HHAT: variants seen among roughly 807,000 people sequenced by gnomAD.
HHAT encodes hedgehog acyltransferase, also known as protein-cysteine N-palmitoyltransferase HHAT.
Under a neutral mutation model 70.8 loss-of-function variants are expected in HHAT, and 47 were observed. That is an observed-to-expected ratio of 0.66 (90% CI 0.53 to 0.85). HHAT has a LOEUF of 0.85. HHAT is among the 40% of genes least tolerant of loss of function. The probability of loss-of-function intolerance (pLI) is 0.00; values close to 1 mark genes in which losing one functional copy is unlikely to be tolerated. For missense variants in HHAT, 609 were observed against 604.8 expected, an observed-to-expected ratio of 1.01 and a Z score of -0.07; for synonymous variants, 228 against 247.6, an observed-to-expected ratio of 0.92 and a Z score of 0.74.
chr1:210,430,171 A>G (rs1350767134), intron 7 of HHAT, among the ~76,000 whole-genome samples: 2 of 151,854 alleles, frequency 1.3e-5, no homozygotes, highest in Non-Finnish European at 2.9e-5. Flanking sequence ...AAATTTGGTC[A>G]AGCTAGCTTC....
At chr1:210,416,743 T>G (rs930182089) in intron 6 of HHAT, among the ~76,000 whole-genome samples, 1 of 152,234 alleles carries the variant, frequency 6.6e-6, no homozygotes, top group Non-Finnish European at 1.5e-5. Flanking sequence ...TGTCTCCTAA[T>G]GCTGCCCTGT....
intron 5 of HHAT, 141 bp downstream of exon 5, chr1:210,400,803 C>G (rs1317512907): frequency 1.4e-6 from 1 of 739,700 alleles, no homozygotes; most frequent in African/African-American, 1.8e-5. Context: ...TACAGGGTTG[C>G]TACAAGTGAA....
intron 11 of HHAT, among the ~76,000 whole-genome samples, chr1:210,670,059 G>A (rs1323648686): frequency 1.3e-5 from 2 of 152,170 alleles, no homozygotes; most frequent in Non-Finnish European, 2.9e-5. Flanking sequence ...TGTCAGGGCA[G>A]AACCCTTTTT....
chr1:210,506,466 G>A lies in HHAT; in HGVS notation c.1008-6687G>A, dbSNP rs116494490. Among the ~76,000 whole-genome samples, 505 of 152,260 alleles carry A rather than the reference G, an allele frequency of 3.3e-3. 3 individuals are homozygous for A. The highest frequency in any genetic ancestry group is 4.5e-3 in the Non-Finnish European group (309 of 68,022). ...AGTTGATGTGCAGACAGCAAAACTT[G>A]CATATCATACACACAAGATTTTCTG... On this transcript the variant is annotated intron_variant, in intron 8 of 11. Transcript: ENST00000261458.
intron 9 of HHAT, among the ~76,000 whole-genome samples, chr1:210,565,998 C>T (rs1170099288): frequency 6.6e-6 from 1 of 152,100 alleles, no homozygotes; most frequent in Non-Finnish European, 1.5e-5. Flanking sequence ...GGCCTCTGGA[C>T]CTCGTGCTGT....
chr1:210,450,599 T>C (rs2093732808), intron 7 of HHAT, among the ~76,000 whole-genome samples: 1 of 142,294 alleles, frequency 7.0e-6, no homozygotes, highest in African/African-American at 2.6e-5. Context: ...AATTGGTACA[T>C]TGTAAATCTT....
chr1:210,421,736 T>C (rs1197122865), intron 7 of HHAT, among the ~76,000 whole-genome samples: 3 of 152,222 alleles, frequency 2.0e-5, no homozygotes, highest in African/African-American at 7.2e-5. Flanking sequence ...TGAGCCACTG[T>C]GCCTGGCCTG....
intron 4 of HHAT, among the ~76,000 whole-genome samples, chr1:210,397,022 C>T (rs184907683): frequency 6.6e-6 from 1 of 152,296 alleles, no homozygotes; most frequent in African/African-American, 2.4e-5. Flanking sequence ...ACTAAACACA[C>T]ACATAAATTA....
chr1:210,504,043 C>G (rs759456086), intron 8 of HHAT, among the ~76,000 whole-genome samples: 1 of 152,178 alleles, frequency 6.6e-6, no homozygotes, highest in Non-Finnish European at 1.5e-5. Context: ...AAATTCAAAA[C>G]TTTTGTGCTT....
chr1:210,387,498 A>T lies in HHAT; in HGVS notation c.190A>T (p.Met64Leu). 1.9e-6 allele frequency: 3 copies of T among 1,614,046 alleles called. No individual in the cohort carries two copies. Among genetic ancestry groups the T allele is most frequent in the South Asian group, 1.1e-5 (1 of 91,068 alleles). ...GACCGACTTTGAGTGGAGCTTCTGGATGGAATGGGGGAAGCAGTGGCTGGT... is the reference window on the plus strand; with the variant it reads ...GACCGACTTTGAGTGGAGCTTCTGGTTGGAATGGGGGAAGCAGTGGCTGGT... ...DATDFEWSFW[M>L]EWGKQWLVWL... The change falls in exon 4 of 12, where the codon ATG becomes TTG. Residue 64 changes from methionine to leucine, a missense_variant. Coordinates refer to ENST00000261458, the MANE Select transcript of HHAT (RefSeq NM_018194.6).
At chr1:210,374,175 T>TA (rs769625517) in intron 3 of HHAT, 1 of 152,208 alleles carries the variant, frequency 6.6e-6, no homozygotes, top group Non-Finnish European at 1.5e-5. Flanking sequence ...GGGCAAGGCT[T>TA]ACAAAAAATT....
chr1:210,577,047 C>A (rs867171376), intron 9 of HHAT, among the ~76,000 whole-genome samples: 1 of 146,968 alleles, frequency 6.8e-6, no homozygotes, highest in South Asian at 2.1e-4. Flanking sequence ...TTTGTATCCT[C>A]TGATTTTACT....
At chr1:210,401,795 C>T (rs1177023596) in intron 5 of HHAT, among the ~76,000 whole-genome samples, 3 of 152,158 alleles carry the variant, frequency 2.0e-5, no homozygotes, top group Admixed American at 6.5e-5. Context: ...CTTGCTGAGG[C>T]GATTGCACCT....
intron 10 of HHAT, among the ~76,000 whole-genome samples, chr1:210,595,823 T>C (rs1447316616): frequency 2.0e-5 from 3 of 152,192 alleles, no homozygotes; most frequent in Non-Finnish European, 4.4e-5. Flanking sequence ...GTTTGTTTTT[T>C]TTTCTTGTAA....
chr1:210,544,537 T>C lies in HHAT; in HGVS notation c.1043+31349T>C, dbSNP rs972378170. Among the ~76,000 whole-genome samples, 14 of 152,088 alleles carry C rather than the reference T, an allele frequency of 9.2e-5. No homozygotes were observed. In the East Asian group the frequency reaches 1.7e-3, roughly 19 times the overall value. ...ACAGGCATGCGCCACCATGCCTAGC[T>C]AATTTTTGTATTTTTAGTAGAAACA... On this transcript the variant is annotated intron_variant, in intron 9 of 11. Transcript: ENST00000261458.
At chr1:210,383,638 T>A (rs12143463) in intron 3 of HHAT, among the ~76,000 whole-genome samples, 17,492 of 152,180 alleles carry the variant, frequency 0.11, 1,309 homozygotes, top group East Asian at 0.28. Context: ...CCATGGACTT[T>A]GGGGTATCAA....
At chr1:210,355,606 T>TA (rs1487487047) in intron 2 of HHAT, among the ~76,000 whole-genome samples, 26 of 152,304 alleles carry the variant, frequency 1.7e-4, no homozygotes, top group African/African-American at 6.0e-4. Context: ...TCCCTAGGGT[T>TA]AAAAAATATA....
chr1:210,596,920 T>C lies in HHAT; in HGVS notation c.1245+8821T>C, dbSNP rs112548970. ...TGGCCATTGAAGAGTTAGGTATTTA[T>C]TGTAGTCTTCACAGTTTGGGCTTCT... On this transcript the variant is annotated intron_variant, in intron 10 of 11. Coordinates refer to ENST00000261458, the MANE Select transcript of HHAT (RefSeq NM_018194.6). Among the ~76,000 whole-genome samples the C allele has an allele frequency of 5.2e-3, 795 of 152,258 alleles. 9 individuals are homozygous for C. Among genetic ancestry groups the C allele is most frequent in the African/African-American group, 0.018 (761 of 41,560 alleles).
chr1:210,340,242 GAAAAAAAAAA>G (rs57007952), intron 1 of HHAT, among the ~76,000 whole-genome samples: 128 of 99,748 alleles, frequency 1.3e-3, no homozygotes, highest in South Asian at 2.1e-3. Flanking sequence ...CTCTGTCTCA[GAAAAAAAAAA>G]AAAAAAAAAA....
Sources: allele counts gnomAD v4.1 joint callset (sites outside exome capture counted in the v4.1 genomes callset), GRCh38; gene constraint gnomAD v4.1.1; transcripts MANE v1.5; gene names NCBI Gene and HGNC (gene_info 2026-07-23, HGNC 2026-07-21).